KIAA1217: variants seen among roughly 807,000 people sequenced by gnomAD.
KIAA1217 encodes KIAA1217, also known as sickle tail protein homolog.
In KIAA1217, 88 loss-of-function variants were observed where a neutral mutation model predicts 163.9. That is an observed-to-expected ratio of 0.54 (90% CI 0.45 to 0.64). KIAA1217 has a LOEUF of 0.64. KIAA1217 is among the 30% of genes least tolerant of loss of function. The probability of loss-of-function intolerance (pLI) is 0.00; values close to 1 mark genes in which losing one functional copy is unlikely to be tolerated. For missense variants in KIAA1217, 2,372 were observed against 2,475.0 expected, an observed-to-expected ratio of 0.96 and a Z score of 0.88; for synonymous variants, 903 against 923.1, an observed-to-expected ratio of 0.98 and a Z score of 0.39.
At chr10:23,950,673 G>C (rs1383626067) in intron 1 of KIAA1217, among the ~76,000 whole-genome samples, 3 of 152,150 alleles carry the variant, frequency 2.0e-5, no homozygotes, top group Non-Finnish European at 4.4e-5. Context: ...GAAGCTGGGA[G>C]GGGACTGACC....
At chr10:23,949,609 A>G (rs1442510659) in intron 1 of KIAA1217, among the ~76,000 whole-genome samples, 1 of 152,132 alleles carries the variant, frequency 6.6e-6, no homozygotes, top group Non-Finnish European at 1.5e-5. Flanking sequence ...CCTTTTTTTA[A>G]GATTAATTTT....
intron 2 of KIAA1217, among the ~76,000 whole-genome samples, chr10:24,172,142 A>C (rs2065661805): frequency 6.6e-6 from 1 of 152,224 alleles, no homozygotes; most frequent in Admixed American, 6.5e-5. Flanking sequence ...ACAGAAAAGA[A>C]GATAATAAAT....
chr10:24,093,186 T>C (rs2062008982), intron 2 of KIAA1217, among the ~76,000 whole-genome samples: 3 of 151,430 alleles, frequency 2.0e-5, no homozygotes, highest in Non-Finnish European at 2.9e-5. Flanking sequence ...TATTTATTTT[T>C]TGAGACGGAG....
chr10:23,855,041 A>T (rs1839577128), intron 1 of KIAA1217, among the ~76,000 whole-genome samples: 1 of 152,098 alleles, frequency 6.6e-6, no homozygotes. Context: ...TTATGTGTGA[A>T]TTTGATCCTG....
chr10:23,983,871 T>G (rs1382980464), intron 1 of KIAA1217, among the ~76,000 whole-genome samples: 3 of 152,200 alleles, frequency 2.0e-5, no homozygotes, highest in Non-Finnish European at 4.4e-5. Flanking sequence ...TTGCTCTTCT[T>G]AATATGGGCT....
At chr10:23,867,200 A>G (rs1366347167) in intron 1 of KIAA1217, among the ~76,000 whole-genome samples, 1 of 152,062 alleles carries the variant, frequency 6.6e-6, no homozygotes, top group Non-Finnish European at 1.5e-5. Flanking sequence ...TCATGACTGC[A>G]TAGTATTCCA....
intron 2 of KIAA1217, among the ~76,000 whole-genome samples, chr10:24,178,551 A>G (rs1378665077): frequency 1.3e-5 from 2 of 152,228 alleles, no homozygotes; most frequent in African/African-American, 4.8e-5. Context: ...GCTACCATAT[A>G]TTAGATTGTA....
At chr10:24,205,217 G>A (rs1266602005), upstream of KIAA1217, among the ~76,000 whole-genome samples, 1 of 147,304 alleles carries the variant, frequency 6.8e-6, no homozygotes, top group Non-Finnish European at 1.5e-5. Flanking sequence ...ATTACTTTGG[G>A]AAGCCAAGGT....
At chr10:24,498,107 C>A (rs1286133928) in intron 8 of KIAA1217, among the ~76,000 whole-genome samples, 1 of 151,938 alleles carries the variant, frequency 6.6e-6, no homozygotes, top group Non-Finnish European at 1.5e-5. Context: ...GTATGTGGAT[C>A]TGAAGATGAT....
At chr10:24,428,238 G>A (rs374860242) in intron 3 of KIAA1217, among the ~76,000 whole-genome samples, 7 of 152,272 alleles carry the variant, frequency 4.6e-5, no homozygotes, top group South Asian at 4.1e-4. Flanking sequence ...CCTCAAGAGC[G>A]GTTTTGGCCT....
intron 2 of KIAA1217, among the ~76,000 whole-genome samples, chr10:24,175,469 ATTGT>A (rs1250876032): frequency 4.5e-4 from 65 of 143,678 alleles, no homozygotes; most frequent in African/African-American, 1.7e-3. Flanking sequence ...GTGTGTGTTT[ATTGT>A]TTTTCATTCC....
chr10:24,250,502 G>A (rs1219758470), intron 2 of KIAA1217, among the ~76,000 whole-genome samples: 3 of 150,872 alleles, frequency 2.0e-5, no homozygotes, highest in Non-Finnish European at 4.4e-5. Flanking sequence ...GCGCAATCTC[G>A]GCTCACTGCA....
At chr10:24,175,427 T>G (rs1020514556) in intron 2 of KIAA1217, among the ~76,000 whole-genome samples, 1 of 145,908 alleles carries the variant, frequency 6.9e-6, no homozygotes, top group Non-Finnish European at 1.5e-5. Context: ...TGAATGTTAT[T>G]CCATGGTGTA....
intron 1 of KIAA1217, among the ~76,000 whole-genome samples, chr10:23,934,578 T>TAC (rs1843415479): frequency 2.5e-5 from 2 of 80,328 alleles, no homozygotes; most frequent in South Asian, 3.3e-4. Flanking sequence ...TATATATATA[T>TAC]ATATATATAT....
At chr10:24,494,364 T>C (rs1211068101) in intron 6 of KIAA1217, 136 bp from the exon 7 acceptor site, 8 of 680,978 alleles carry the variant, frequency 1.2e-5, no homozygotes, top group Non-Finnish European at 2.0e-5. Context: ...CGGCTCTTCA[T>C]GTTCCTGAGC....
At chr10:24,390,490 A>AGGC (rs2054747673) in intron 3 of KIAA1217, among the ~76,000 whole-genome samples, 1 of 141,882 alleles carries the variant, frequency 7.0e-6, no homozygotes, top group African/African-American at 2.7e-5. Flanking sequence ...GGAAGGAAGG[A>AGGC]AGGAAGGAAG....
At chr10:24,532,898 G>A (rs572808341) in intron 15 of KIAA1217, among the ~76,000 whole-genome samples, 172 bp from the exon 16 acceptor site, 3 of 152,240 alleles carry the variant, frequency 2.0e-5, no homozygotes, top group African/African-American at 7.2e-5. Flanking sequence ...GACAACTTAT[G>A]CAAACACAAA....
At chr10:23,970,078 C>G (rs908982515) in intron 1 of KIAA1217, among the ~76,000 whole-genome samples, 1 of 152,194 alleles carries the variant, frequency 6.6e-6, no homozygotes, top group African/African-American at 2.4e-5. Context: ...CTCTCCCACA[C>G]CACATGGGAA....
At chr10:23,986,897 T>C (rs188807791) in intron 1 of KIAA1217, among the ~76,000 whole-genome samples, 1 of 152,312 alleles carries the variant, frequency 6.6e-6, no homozygotes, top group East Asian at 1.9e-4. Context: ...TGGCTAGGTA[T>C]GTATGAATAC....
Sources: gnomAD v4.1 joint callset for allele counts (sites outside exome capture counted in the v4.1 genomes callset) on GRCh38, gnomAD v4.1.1 for gene constraint, MANE v1.5 for transcripts, NCBI Gene and HGNC (gene_info 2026-07-23, HGNC 2026-07-21) for gene names.